Variants in TRIM66 observed in about 807,000 individuals in gnomAD.
TRIM66 encodes the protein tripartite motif-containing protein 66.
In TRIM66, 99 loss-of-function variants were observed where a neutral mutation model predicts 148.2. The ratio of observed to expected loss-of-function variants is 0.67; its 90% confidence interval spans 0.57 to 0.79. The LOEUF (loss-of-function observed/expected upper bound fraction) is 0.79. Ranked by LOEUF, TRIM66 falls within the 30% of genes least tolerant of loss-of-function variation. TRIM66 has a pLI of 0.00. For synonymous variants in TRIM66, 616 were observed against 635.9 expected, an observed-to-expected ratio of 0.97 and a Z score of 0.47; for missense variants, 1,666 against 1,697.9, an observed-to-expected ratio of 0.98 and a Z score of 0.33.
At chr11:8,636,937 C>T (rs1472347956) in intron 15 of TRIM66, among the ~76,000 whole-genome samples, 2 of 152,104 alleles carry the variant, frequency 1.3e-5, no homozygotes, top group Non-Finnish European at 2.9e-5. Context: ...AGCCAAATTA[C>T]AAATTATCTG....
intron 12 of TRIM66, among the ~76,000 whole-genome samples, chr11:8,645,143 C>G (rs556446614): frequency 6.6e-6 from 1 of 152,340 alleles, no homozygotes; most frequent in South Asian, 2.1e-4. Context: ...ACTCCTACAT[C>G]TCCTTCTCCA....
chr11:8,635,796 T>G (rs2035826363), intron 15 of TRIM66, among the ~76,000 whole-genome samples: 1 of 152,178 alleles, frequency 6.6e-6, no homozygotes, highest in South Asian at 2.1e-4. Context: ...CACCCCTTGC[T>G]GCTCAGGGAA....
In TRIM66 at chr11:8,613,643, A is replaced by C. The variant is rs1259209797; in HGVS notation, c.*4301T>G. 6.6e-6 allele frequency: 1 copy of C among 152,386 alleles called. No individual in the cohort carries two copies. Among genetic ancestry groups the C allele is most frequent in the East Asian group, 1.9e-4 (1 of 5,202 alleles). The allele number at this position is 152,386 out of a possible 1,614,324, so 9.4% of individuals were successfully genotyped here. ...AGTGGAGACAGAGGCTGGAGACTCC[A>C]GGGAGTGGGAGCAGTGGAGTAAGCG... On this transcript the variant is annotated 3_prime_UTR_variant, in exon 25 of 25. Transcript: ENST00000646038.
At position 8,624,933 on chromosome 11, in the gene TRIM66, G is replaced by C. The variant is rs774578423; in HGVS notation, c.2606C>G (p.Ala869Gly). The change falls in exon 16 of 25, where the codon GCT becomes GGT. Residue 869 changes from alanine (A) to glycine (G), a missense_variant. Ala to Gly is a moderately conservative substitution (Grantham distance 60, BLOSUM62 0). Transcript: ENST00000646038. ...MPNLISDSPQ[A>G]MASLASDHPQ... ...GTGATCACTTGCCAGGCTTGCCATA[G>C]CCTGAGGGGAGTCACTTATCAGGTT... is the stretch of plus-strand genomic sequence containing the variant. 3 of 1,551,590 alleles carry C rather than the reference G, an allele frequency of 1.9e-6. No homozygotes were observed. Among genetic ancestry groups the C allele is most frequent in the Non-Finnish European group, 2.6e-6 (3 of 1,146,998 alleles).
At chr11:8,663,218 G>A (rs1218698594) in intron 6 of TRIM66, 2 of 152,176 alleles carry the variant, frequency 1.3e-5, no homozygotes, top group Non-Finnish European at 2.9e-5. Flanking sequence ...CATCTTCCTA[G>A]TTGCTGGGGA....
At chr11:8,632,517 A>T (rs2035509658) in intron 15 of TRIM66, among the ~76,000 whole-genome samples, 1 of 140,134 alleles carries the variant, frequency 7.1e-6, no homozygotes, top group Non-Finnish European at 1.5e-5. Flanking sequence ...GTGCAGTCAG[A>T]CGATCTCAGC....
intron 17 of TRIM66, 33 bp from the exon 18 acceptor site, chr11:8,622,909 C>T: frequency 1.3e-6 from 2 of 1,543,184 alleles, no homozygotes; most frequent in Non-Finnish European, 1.8e-6. Context: ...ACCTGTGACA[C>T]ACATTTGTGG....
At chr11:8,623,749 G>A (rs1290398905) in intron 17 of TRIM66, among the ~76,000 whole-genome samples, 14 of 152,150 alleles carry the variant, frequency 9.2e-5, no homozygotes, top group Admixed American at 2.0e-4. Context: ...GCTGAGAAGC[G>A]AATCAGAACC....
chr11:8,658,054 C>T (rs890003008), intron 6 of TRIM66, among the ~76,000 whole-genome samples: 1 of 152,256 alleles, frequency 6.6e-6, no homozygotes, highest in Non-Finnish European at 1.5e-5. Flanking sequence ...AGGCCTAAGC[C>T]TCGGGGAATG....
chr11:8,678,369 C>T (rs1440061747), intron 3 of TRIM66, among the ~76,000 whole-genome samples: 5 of 151,974 alleles, frequency 3.3e-5, no homozygotes, highest in African/African-American at 1.2e-4. Context: ...GGTAGTGATA[C>T]GAAAAACTGC....
intron 6 of TRIM66, among the ~76,000 whole-genome samples, chr11:8,666,710 A>C (rs2038622760): frequency 6.6e-6 from 1 of 152,186 alleles, no homozygotes; most frequent in Non-Finnish European, 1.5e-5. Flanking sequence ...GCAGATCAGG[A>C]ATGACACTCA....
At chr11:8,657,973 G>C (rs969075539) in intron 6 of TRIM66, among the ~76,000 whole-genome samples, 2 of 152,234 alleles carry the variant, frequency 1.3e-5, no homozygotes, top group African/African-American at 4.8e-5. Context: ...GACCACCACA[G>C]GTCCCAGAGG....
intron 6 of TRIM66, among the ~76,000 whole-genome samples, chr11:8,666,891 C>T (rs2038634881): frequency 6.6e-6 from 1 of 152,156 alleles, no homozygotes; most frequent in Admixed American, 6.5e-5. Context: ...CTCACTGCAA[C>T]CTCCACTTCC....
intron 14 of TRIM66, among the ~76,000 whole-genome samples, 163 bp from the exon 15 acceptor site, chr11:8,638,978 A>T (rs963519693): frequency 1.3e-5 from 2 of 152,046 alleles, no homozygotes; most frequent in Non-Finnish European, 2.9e-5. Context: ...TCTTATCCCA[A>T]CTCTTCCAAA....
intron 6 of TRIM66, among the ~76,000 whole-genome samples, chr11:8,663,885 T>C (rs1704085559): frequency 6.6e-6 from 1 of 151,896 alleles, no homozygotes; most frequent in African/African-American, 2.4e-5. Flanking sequence ...GAAAGACAAA[T>C]ACTGTATAAG....
At chr11:8,651,326 A>C (rs1041786547) in intron 7 of TRIM66, among the ~76,000 whole-genome samples, 3 of 152,192 alleles carry the variant, frequency 2.0e-5, no homozygotes, top group Admixed American at 2.0e-4. Context: ...CTGCCGGCCA[A>C]TAAGTGATAA....
At position 8,617,096 on chromosome 11, in the gene TRIM66, C is replaced by T. The variant is rs1206361419; in HGVS notation, c.*848G>A. The T allele has an allele frequency of 6.6e-6, 1 of 152,278 alleles. No individual in the cohort carries two copies. Among genetic ancestry groups the T allele is most frequent in the African/African-American group, 2.4e-5 (1 of 41,434 alleles). 9.4% of individuals were successfully genotyped at this position (152,278 alleles called of 1,614,324 possible). A position where few individuals can be genotyped will look rare whatever the true frequency, so the allele number is the denominator to read the frequency against. Reference sequence around the variant, plus strand: ...GGATGATGAAGGGTATGGCCACTGACAAGCACCAACAGTCACTTCTAGGAA... The same window carrying T: ...GGATGATGAAGGGTATGGCCACTGATAAGCACCAACAGTCACTTCTAGGAA... On this transcript the variant is annotated 3_prime_UTR_variant, in exon 25 of 25. Transcript: ENST00000646038.
chr11:8,663,681 A>T (rs947929044), intron 6 of TRIM66, among the ~76,000 whole-genome samples: 1 of 152,020 alleles, frequency 6.6e-6, no homozygotes, highest in Non-Finnish European at 1.5e-5. Flanking sequence ...ACATACCTGC[A>T]CTCCCATGTT....
intron 3 of TRIM66, among the ~76,000 whole-genome samples, chr11:8,675,984 G>A (rs989025800): frequency 2.6e-5 from 4 of 152,090 alleles, no homozygotes; most frequent in African/African-American, 7.2e-5. Flanking sequence ...TGATCCACCC[G>A]CCTCAGCTTC....
Sources: allele counts gnomAD v4.1 joint callset (sites outside exome capture counted in the v4.1 genomes callset), GRCh38; gene constraint gnomAD v4.1.1; transcripts MANE v1.5; gene names NCBI Gene and HGNC (gene_info 2026-07-23, HGNC 2026-07-21).